Variants in PKHD1 observed in about 807,000 individuals in gnomAD.
The protein encoded by PKHD1 is fibrocystin.
A neutral mutation model predicts 412.0 loss-of-function variants in PKHD1; 291 were observed. The observed-to-expected ratio is 0.71, with a 90% CI of 0.64 to 0.78. The LOEUF (loss-of-function observed/expected upper bound fraction) is 0.78, where lower values mean the gene tolerates loss of function less well. PKHD1 is among the 30% of genes least tolerant of loss of function. PKHD1 has a pLI of 0.00. For missense variants in PKHD1, 4,825 were observed against 4,950.7 expected (o/e 0.97, Z 0.76); for synonymous variants, 1,777 against 1,821.5 (o/e 0.98, Z 0.62).
chr6:51,776,890 T>C (rs747040909), intron 53 of PKHD1, among the ~76,000 whole-genome samples: 98 of 152,212 alleles, frequency 6.4e-4, no homozygotes, highest in Admixed American at 2.6e-3. Context: ...CATACTTCTA[T>C]GGTATGAGAA....
intron 52 of PKHD1, 145 bp downstream of exon 52, chr6:51,830,716 C>A (rs1228692108): frequency 1.4e-6 from 1 of 733,800 alleles, no homozygotes; most frequent in South Asian, 1.7e-5. Context: ...CTACATTAAC[C>A]CCCCCAAAAA....
chr6:51,924,719 A>G (rs1406614424), intron 37 of PKHD1, among the ~76,000 whole-genome samples: 1 of 152,218 alleles, frequency 6.6e-6, no homozygotes, highest in Non-Finnish European at 1.5e-5. Context: ...AGTGATGGAC[A>G]TGATAAGAGG....
intron 37 of PKHD1, among the ~76,000 whole-genome samples, chr6:51,924,739 G>A (rs569779248): frequency 2.2e-4 from 33 of 152,288 alleles, no homozygotes; most frequent in African/African-American, 7.0e-4. Flanking sequence ...GAATGATAAA[G>A]GAGGTATCAA....
At chr6:52,022,391 C>G (rs1562153022) in intron 33 of PKHD1, among the ~76,000 whole-genome samples, 1 of 152,190 alleles carries the variant, frequency 6.6e-6, no homozygotes, top group Non-Finnish European at 1.5e-5. Flanking sequence ...AAATCTCCAT[C>G]CCTTTACTGG....
intron 45 of PKHD1, among the ~76,000 whole-genome samples, chr6:51,884,319 A>G (rs1428229780): frequency 6.6e-6 from 1 of 152,172 alleles, no homozygotes; most frequent in East Asian, 1.9e-4. Flanking sequence ...TTTGTCAAAA[A>G]TCATTTGTTT....
chr6:51,794,486 G>C (rs1394576796), intron 52 of PKHD1, among the ~76,000 whole-genome samples: 3 of 152,244 alleles, frequency 2.0e-5, no homozygotes, highest in Middle Eastern at 3.4e-3. Flanking sequence ...TTACCCTGAT[G>C]ATAGTTTCTT....
intron 1 of PKHD1, among the ~76,000 whole-genome samples, chr6:52,085,561 C>T (rs1812654602): frequency 6.6e-6 from 1 of 152,204 alleles, no homozygotes; most frequent in African/African-American, 2.4e-5. Flanking sequence ...TCAGGAGCCC[C>T]TCCTCAGCTG....
At chr6:51,665,472 C>T (rs1012123966) in intron 60 of PKHD1, among the ~76,000 whole-genome samples, 12 of 152,042 alleles carry the variant, frequency 7.9e-5, no homozygotes, top group African/African-American at 2.7e-4. Flanking sequence ...ATTAAATAAT[C>T]CCACCAAACA....
At position 51,868,462 on chromosome 6, in the gene PKHD1, T is replaced by G. The variant is rs772522781; in HGVS notation, c.7487-353A>C. On this transcript the variant is annotated intron_variant, in intron 47 of 66. Coordinates refer to ENST00000371117, the MANE Select transcript of PKHD1 (RefSeq NM_138694.4). ...GCTGTCACAATTGGGGAGCTGGCAG[T>G]GCTACTGGCAGCTAGTAGGTAGAAA... Among the ~76,000 whole-genome samples, 5 of 151,880 alleles carry G rather than the reference T, an allele frequency of 3.3e-5. No homozygotes were observed. In the South Asian group the frequency reaches 1.0e-3, roughly 32 times the overall value.
At chr6:51,830,755 A>T in intron 52 of PKHD1, 106 bp downstream of exon 52, 1 of 1,090,446 alleles carries the variant, frequency 9.2e-7, no homozygotes, top group Non-Finnish European at 1.4e-6. Flanking sequence ...ATAAGTGCCT[A>T]CTTATTTCCA....
intron 42 of PKHD1, 27 bp downstream of exon 42, chr6:51,903,959 A>G: frequency 7.0e-7 from 1 of 1,432,920 alleles, no homozygotes. Flanking sequence ...ACACTGTAAT[A>G]GATTTAAAAT....
At chr6:52,007,576 A>G (rs1291927677) in intron 35 of PKHD1, among the ~76,000 whole-genome samples, 2 of 152,188 alleles carry the variant, frequency 1.3e-5, no homozygotes, top group Non-Finnish European at 2.9e-5. Context: ...GGGTAATCAC[A>G]CACCCCAACA....
intron 52 of PKHD1, among the ~76,000 whole-genome samples, chr6:51,829,418 C>T (rs543725799): frequency 1.9e-4 from 29 of 152,142 alleles, no homozygotes; most frequent in Non-Finnish European, 3.5e-4. Flanking sequence ...GCTTCTCTTG[C>T]TTCCTGCATG....
At chr6:52,070,296 A>C (rs1284827823) in intron 10 of PKHD1, 110 bp downstream of exon 10, 1 of 782,354 alleles carries the variant, frequency 1.3e-6, no homozygotes, top group African/African-American at 1.7e-5. Flanking sequence ...TTCTGTTTTT[A>C]TATGTTTAAC....
chr6:51,639,089 T>A, intron 63 of PKHD1, 133 bp from the exon 64 acceptor site: 3 of 734,326 alleles, frequency 4.1e-6, no homozygotes, highest in Non-Finnish European at 7.5e-6. Context: ...ACCTAATCCA[T>A]CAGGTTCTTC....
At chr6:51,703,379 T>A (rs949926465) in intron 60 of PKHD1, among the ~76,000 whole-genome samples, 31 of 151,928 alleles carry the variant, frequency 2.0e-4, no homozygotes, top group African/African-American at 7.5e-4. Flanking sequence ...TATTTCTATA[T>A]TTTTTTTACT....
chr6:52,032,015 T>C (rs1353379567), intron 29 of PKHD1, among the ~76,000 whole-genome samples: 1 of 152,172 alleles, frequency 6.6e-6, no homozygotes, highest in East Asian at 1.9e-4. Flanking sequence ...GAATATAACA[T>C]GGAGCTCCCC....
At chr6:51,694,296 C>G (rs1177793408) in intron 60 of PKHD1, among the ~76,000 whole-genome samples, 1 of 152,052 alleles carries the variant, frequency 6.6e-6, no homozygotes, top group Non-Finnish European at 1.5e-5. Context: ...ACAAGCCACA[C>G]CTCCACCACA....
chr6:51,882,087 G>A (rs1777465932), intron 46 of PKHD1, among the ~76,000 whole-genome samples: 1 of 152,162 alleles, frequency 6.6e-6, no homozygotes, highest in Non-Finnish European at 1.5e-5. Context: ...TACTCAGTTT[G>A]CTGGGAATTT....
Sources: allele counts gnomAD v4.1 joint callset (sites outside exome capture counted in the v4.1 genomes callset), GRCh38; gene constraint gnomAD v4.1.1; transcripts MANE v1.5; gene names NCBI Gene and HGNC (gene_info 2026-07-23, HGNC 2026-07-21).